TIGD5: variants seen among roughly 807,000 people sequenced by gnomAD.
The protein encoded by TIGD5 is tigger transposable element-derived protein 5.
Under a neutral mutation model 28.8 loss-of-function variants are expected in TIGD5, and 24 were observed. The ratio of observed to expected loss-of-function variants is 0.83; its 90% CI spans 0.60 to 1.17. The LOEUF is 1.17. TIGD5 is among the 50% of genes most tolerant of loss of function. TIGD5 has a pLI of 0.00. For missense variants in TIGD5, 922 were observed against 911.4 expected, an observed-to-expected ratio of 1.01 and a Z score of -0.15; for synonymous variants, 538 against 430.5, an observed-to-expected ratio of 1.25 and a Z score of -3.09.
Position 143,599,618 on chromosome 8 carries a change from A to AGGACGAGGAG in TIGD5, c.1717_1726dup (p.Glu576GlyfsTer68). 1 of 1,523,714 alleles carries AGGACGAGGAG rather than the reference A, an allele frequency of 6.6e-7. No individual in the cohort carries two copies. The highest frequency in any genetic ancestry group is 8.8e-7 in the Non-Finnish European group (1 of 1,138,474). 94.4% of individuals were successfully genotyped at this position (1,523,714 alleles called of 1,614,324 possible). A position where few individuals can be genotyped will look rare whatever the true frequency, so the allele number is the denominator to read the frequency against. The stretch of plus-strand genomic sequence containing the variant: ...CTGCCCTCTGCCATGGGGGGCGGAG[A>AGGACGAGGAG]GGACGAGGAGGAGGCCACCGACTAT... On this transcript the variant is annotated frameshift_variant, in exon 1 of 1. Transcript: ENST00000504548. LOFTEE classifies it high-confidence loss of function.
At position 143,598,710 on chromosome 8, in the gene TIGD5, C is replaced by G. The variant is rs1392272319; in HGVS notation, c.807C>G (p.Arg269=). 1 of 1,507,342 alleles carries G rather than the reference C, an allele frequency of 6.6e-7. No individual in the cohort carries two copies. Among genetic ancestry groups the G allele is most frequent in the Non-Finnish European group, 8.8e-7 (1 of 1,136,266 alleles). 93.4% of individuals were successfully genotyped at this position (1,507,342 alleles called of 1,614,324 possible). A position where few individuals can be genotyped will look rare whatever the true frequency, so the allele number is the denominator to read the frequency against. The change falls in exon 1 of 1, where the codon CGC becomes CGG. Residue 269 remains arginine (R), a synonymous_variant. Transcript: ENST00000504548. This position sits in a 1 kb window ranked among gnomAD's most constrained non-coding sequence, Gnocchi z 6.6. ...GDPGAGGCGR[R]WRGDRVTVLL... is the part of the protein sequence containing the mutation. ...CCGGGGCGGGGGGCTGTGGCCGGCG[C>G]TGGCGGGGCGACCGCGTAACGGTGC...
In TIGD5 at chr8:143,598,687, G is replaced by A. The variant is rs141914327; in HGVS notation, c.784G>A (p.Gly262Arg). The A allele has an allele frequency of 0.08, 119,083 of 1,497,716 alleles. 5,443 individuals are homozygous for A. Among genetic ancestry groups the A allele is most frequent in the Non-Finnish European group, 0.092 (104,782 of 1,134,538 alleles). 92.8% of individuals were successfully genotyped at this position (1,497,716 alleles called of 1,614,324 possible). The change falls in exon 1 of 1, where the codon GGG (glycine) becomes AGG (arginine). Residue 262 changes from glycine (G) to arginine (R), a missense_variant. By Grantham distance (125) the Gly-to-Arg change is moderately radical (BLOSUM62 -2). Transcript: ENST00000504548. This position sits in a 1 kb window ranked among gnomAD's most constrained non-coding sequence, Gnocchi z 6.6. Reference sequence around the variant, plus strand: ...TGCGCCCCCGGGCGCAGGGGACCCCGGGGCGGGGGGCTGTGGCCGGCGCTG... The same window carrying A: ...TGCGCCCCCGGGCGCAGGGGACCCCAGGGCGGGGGGCTGTGGCCGGCGCTG... The part of the protein sequence containing the change: ...QAAPPGAGDP[G>R]AGGCGRRWRG...
rs1386900578 is a variant in TIGD5 at position 143,599,151 on chromosome 8, G to A, written c.1248G>A (p.Pro416=). 2.5e-6 allele frequency: 4 copies of A among 1,603,612 alleles called. No homozygotes were observed. The highest frequency in any genetic ancestry group is 2.2e-5 in the East Asian group (1 of 44,498). ...GCAGCCGGGCACATATCCCCGCACC[G>A]CTGGAGCAGGGCGTGGTGGCCGCCT... ...KGSSRAHIPA[P]LEQGVVAAFK... is the part of the protein sequence containing the mutation. The change falls in exon 1 of 1, where the codon CCG becomes CCA. Residue 416 remains proline (P), a synonymous_variant. Transcript: ENST00000504548.
rs1829142948 is a variant in TIGD5, at chr8:143,598,374, G to T, written c.471G>T (p.Gln157His). The T allele has an allele frequency of 1.9e-6, 3 of 1,575,726 alleles. No individual in the cohort carries two copies. The highest frequency in any genetic ancestry group is 2.6e-6 in the Non-Finnish European group (3 of 1,164,718). The change falls in exon 1 of 1, where the codon CAG becomes CAT. Residue 157 changes from glutamine to histidine, a missense_variant. By Grantham distance (24) the Gln-to-His change is conservative (BLOSUM62 0). This residue lies in a region of TIGD5 where 821 missense variants were observed against 815.2 expected (regional missense o/e 1.01). Coordinates refer to ENST00000504548, the MANE Select transcript of TIGD5 (RefSeq NM_032862.5). This position sits in a 1 kb window ranked among gnomAD's most constrained non-coding sequence, Gnocchi z 6.6. ...CGCAGGCCGAGGCCTTCGCGCGCCA[G>T]ATCTACGGGCCCGAGTGCACCTTCA... ...IQAQAEAFAR[Q>H]IYGPECTFKA...
At position 143,599,088 on chromosome 8, in the gene TIGD5, G is replaced by A. The variant is rs1490745635; in HGVS notation, c.1185G>A (p.Pro395=). ...PLGPPEELQT[P]DGAVRVLFLS... ...GTCCCCCGGAGGAGCTGCAGACACC[G>A]GATGGCGCTGTGCGGGTGCTGTTCC... is the stretch of plus-strand genomic sequence containing the variant. Residue 395 remains proline, a synonymous_variant, in exon 1 of 1, where the codon CCG becomes CCA. Transcript: ENST00000504548. The A allele has an allele frequency of 6.3e-7, 1 of 1,577,820 alleles. No homozygotes were observed. Among genetic ancestry groups the A allele is most frequent in the South Asian group, 1.1e-5 (1 of 87,324 alleles).
In TIGD5 at chr8:143,598,218, G is replaced by T; in HGVS notation, c.315G>T (p.Leu105=). ...EPKLRWFLEQ[L]GGEVGTQRKK... ...AGCTGCGCTGGTTCCTGGAGCAGCT[G>T]GGCGGTGAGGTGGGCACTCAGCGCA... Residue 105 remains leucine, a synonymous_variant, in exon 1 of 1, where the codon CTG becomes CTT. Transcript: ENST00000504548. This position sits in a 1 kb window ranked among gnomAD's most constrained non-coding sequence, Gnocchi z 6.6. The T allele has an allele frequency of 6.2e-7, 1 of 1,607,698 alleles. No homozygotes were observed. The highest frequency in any genetic ancestry group is 8.5e-7 in the Non-Finnish European group (1 of 1,177,842).
rs1159428776 is a variant in TIGD5 at position 143,598,605 on chromosome 8, G to C, written c.702G>C (p.Glu234Asp). Residue 234 changes from glutamate to aspartate, a missense_variant, in exon 1 of 1, where the codon GAG (glutamate) becomes GAC (aspartate). By Grantham distance (45) the Glu-to-Asp change is conservative (BLOSUM62 2). Around this residue, in one of 3 missense-constraint regions of TIGD5, gnomAD observed 821 missense variants for 815.2 expected, o/e 1.01. Transcript: ENST00000504548. The surrounding 1 kb of genome is among the most constrained non-coding windows in gnomAD (Gnocchi z 6.6). ...CGGCCGAGGGCGGCTACGGGGACGA[G>C]CAGATTTACAGCGCCAGCGTCACCG... Reference protein sequence around the residue: ...PPPAEGGYGDEQIYSASVTGL... With the variant: ...PPPAEGGYGDDQIYSASVTGL... The C allele has an allele frequency of 1.5e-5, 22 of 1,424,782 alleles. No individual in the cohort carries two copies. Among genetic ancestry groups the C allele is most frequent in the Non-Finnish European group, 1.7e-5 (19 of 1,099,486 alleles). The allele number at this position is 1,424,782 out of a possible 1,614,324, so 88.3% of individuals were successfully genotyped here. A position where few individuals can be genotyped will look rare whatever the true frequency, so the allele number is the denominator to read the frequency against.
chr8:143,597,866 C>A lies in TIGD5; in HGVS notation c.-38C>A, dbSNP rs1829107370. 1 of 720,454 alleles carries A rather than the reference C, an allele frequency of 1.4e-6. No individual in the cohort carries two copies. The highest frequency in any genetic ancestry group is 1.7e-6 in the Non-Finnish European group (1 of 590,418). 44.6% of individuals were successfully genotyped at this position (720,454 alleles called of 1,614,324 possible). ...CCCCGAGCGGCTGGGCGTGTGGCTCCCGCGACCCGCGCGGCCCGGGTCCCC... is the reference window on the plus strand; with the variant it reads ...CCCCGAGCGGCTGGGCGTGTGGCTCACGCGACCCGCGCGGCCCGGGTCCCC... On this transcript the variant is annotated 5_prime_UTR_variant, in exon 1 of 1. Transcript: ENST00000504548.
In TIGD5 at chr8:143,598,541, C is replaced by T; in HGVS notation, c.638C>T (p.Ala213Val). 2 of 1,307,346 alleles carry T rather than the reference C, an allele frequency of 1.5e-6. No homozygotes were observed. Among genetic ancestry groups the T allele is most frequent in the South Asian group, 2.2e-5 (1 of 45,946 alleles). The allele number at this position is 1,307,346 out of a possible 1,614,324, so 81.0% of individuals were successfully genotyped here. A position where few individuals can be genotyped will look rare whatever the true frequency, so the allele number is the denominator to read the frequency against. ...GAGGAGCCCGCGCTGCCCTCCGGCG[C>T]CGGCCCCCTGCCCGACCGCGCCCCG... ...VKEEPALPSG[A>V]GPLPDRAPAP... The change falls in exon 1 of 1, where the codon GCC becomes GTC. Residue 213 changes from alanine to valine, a missense_variant. Around this residue, in one of 3 missense-constraint regions of TIGD5, gnomAD observed 821 missense variants for 815.2 expected, o/e 1.01. Transcript: ENST00000504548. The surrounding 1 kb of genome is among the most constrained non-coding windows in gnomAD (Gnocchi z 6.6).
chr8:143,597,839 C>A lies in TIGD5; in HGVS notation c.-65C>A. On this transcript the variant is annotated 5_prime_UTR_variant, in exon 1 of 1. Transcript: ENST00000504548. ...CGTGCGGCCCCGCCCCCGAGTGCCC[C>A]GCCCCGAGCGGCTGGGCGTGTGGCT... The A allele has an allele frequency of 2.8e-6, 1 of 359,162 alleles. No individual in the cohort carries two copies. Among genetic ancestry groups the A allele is most frequent in the Non-Finnish European group, 3.9e-6 (1 of 259,730 alleles). The allele number at this position is 359,162 out of a possible 1,614,324, so 22.2% of individuals were successfully genotyped here.
Position 143,598,837 on chromosome 8 carries a change from C to T in TIGD5, c.934C>T (p.Pro312Ser). Residue 312 changes from proline (P) to serine (S), a missense_variant, in exon 1 of 1, where the codon CCG becomes TCG. By Grantham distance (74) the Pro-to-Ser change is moderately conservative. This residue lies in a region of TIGD5 where 821 missense variants were observed against 815.2 expected (regional missense o/e 1.01). Coordinates refer to ENST00000504548, the MANE Select transcript of TIGD5 (RefSeq NM_032862.5). This position sits in a 1 kb window ranked among gnomAD's most constrained non-coding sequence, Gnocchi z 6.6. ...GCGCCACCACAACCAGGACAAGTTC[C>T]CGGCCTCCTACCGCTACAGCCCCGA... is the stretch of plus-strand genomic sequence containing the variant. ...SLRHHNQDKFPASYRYSPDAW... is the reference protein window; with the variant it reads ...SLRHHNQDKFSASYRYSPDAW... 1 of 1,601,142 alleles carries T rather than the reference C, an allele frequency of 6.2e-7. No homozygotes were observed. The highest frequency in any genetic ancestry group is 8.5e-7 in the Non-Finnish European group (1 of 1,179,602).
chr8:143,602,633 T>C lies in TIGD5; in HGVS notation c.*2801T>C, dbSNP rs1829285568. The C allele has an allele frequency of 6.6e-6, 1 of 152,316 alleles. No homozygotes were observed. The highest frequency in any genetic ancestry group is 1.5e-5 in the Non-Finnish European group (1 of 68,088). The allele number at this position is 152,316 out of a possible 1,614,324, so 9.4% of individuals were successfully genotyped here. On this transcript the variant is annotated 3_prime_UTR_variant, in exon 1 of 1. Transcript: ENST00000504548. Reference sequence around the variant, plus strand: ...TGCCTGCGGGCTCTGGCCTCCGCTCTGGCAGATTCTGCACATTCCCTGCAG... The same window carrying C: ...TGCCTGCGGGCTCTGGCCTCCGCTCCGGCAGATTCTGCACATTCCCTGCAG...
Position 143,598,735 on chromosome 8 carries a change from C to T in TIGD5, c.832C>T (p.Leu278=). The change falls in exon 1 of 1, where the codon CTG becomes TTG. Residue 278 remains leucine (L), a synonymous_variant. Transcript: ENST00000504548. The surrounding 1 kb of genome is among the most constrained non-coding windows in gnomAD (Gnocchi z 6.6). The part of the protein sequence containing the change: ...RRWRGDRVTV[L]LAANLTGSHK... Reference sequence around the variant, plus strand: ...CTGGCGGGGCGACCGCGTAACGGTGCTGCTGGCCGCAAACCTGACCGGCAG... The same window carrying T: ...CTGGCGGGGCGACCGCGTAACGGTGTTGCTGGCCGCAAACCTGACCGGCAG... 6.5e-7 allele frequency: 1 copy of T among 1,549,628 alleles called. No individual in the cohort carries two copies. Among genetic ancestry groups the T allele is most frequent in the Non-Finnish European group, 8.7e-7 (1 of 1,153,936 alleles).
At position 143,598,864 on chromosome 8, in the gene TIGD5, G is replaced by T; in HGVS notation, c.961G>T (p.Ala321Ser). ...GGCCTCCTACCGCTACAGCCCCGAC[G>T]CCTGGCTCAGCCGCCCGCTGCTGCG... ...FPASYRYSPD[A>S]WLSRPLLRGW... The change falls in exon 1 of 1, where the codon GCC (alanine) becomes TCC (serine). Residue 321 changes from alanine (A) to serine (S), a missense_variant. Physicochemically the swap from Ala to Ser is moderately conservative, Grantham distance 99. This residue lies in a region of TIGD5 where 821 missense variants were observed against 815.2 expected (regional missense o/e 1.01). Coordinates refer to ENST00000504548, the MANE Select transcript of TIGD5 (RefSeq NM_032862.5). This position sits in a 1 kb window ranked among gnomAD's most constrained non-coding sequence, Gnocchi z 6.6. 3 of 1,600,078 alleles carry T rather than the reference G, an allele frequency of 1.9e-6. No homozygotes were observed. Among genetic ancestry groups the T allele is most frequent in the Non-Finnish European group, 1.7e-6 (2 of 1,179,608 alleles).
chr8:143,599,155 G>A lies in TIGD5; in HGVS notation c.1252G>A (p.Glu418Lys). Residue 418 changes from glutamate (E) to lysine (K), a missense_variant, in exon 1 of 1, where the codon GAG becomes AAG. Coordinates refer to ENST00000504548, the MANE Select transcript of TIGD5 (RefSeq NM_032862.5). ...CCGGGCACATATCCCCGCACCGCTG[G>A]AGCAGGGCGTGGTGGCCGCCTTCAA... ...SSRAHIPAPL[E>K]QGVVAAFKQL... 1.2e-6 allele frequency: 2 copies of A among 1,605,732 alleles called. No individual in the cohort carries two copies. Among genetic ancestry groups the A allele is most frequent in the Non-Finnish European group, 1.7e-6 (2 of 1,177,156 alleles).
In TIGD5 at chr8:143,599,606, TG is replaced by T; in HGVS notation, c.1709del (p.Gly570AlafsTer26). On this transcript the variant is annotated frameshift_variant, in exon 1 of 1. Transcript: ENST00000504548. LOFTEE classifies it high-confidence loss of function. ...PPAPASLPSA[M>X]GGGEDEEEAT... The stretch of plus-strand genomic sequence containing the variant: ...GCCCCAGCCAGTCTGCCCTCTGCCA[TG>T]GGGGGCGGAGAGGACGAGGAGGAGG... 2 of 1,532,754 alleles carry T rather than the reference TG, an allele frequency of 1.3e-6. No individual in the cohort carries two copies. The highest frequency in any genetic ancestry group is 2.2e-5 in the Admixed American group (1 of 46,322). 94.9% of individuals were successfully genotyped at this position (1,532,754 alleles called of 1,614,324 possible).
rs748991163 is a variant in TIGD5, at chr8:143,598,768, C to G, written c.865C>G (p.Leu289Val). Residue 289 changes from leucine to valine, a missense_variant, in exon 1 of 1, where the codon CTG becomes GTG. This residue lies in a region of TIGD5 where 821 missense variants were observed against 815.2 expected (regional missense o/e 1.01). Transcript: ENST00000504548. The surrounding 1 kb of genome is among the most constrained non-coding windows in gnomAD (Gnocchi z 6.6). ...LAANLTGSHK[L>V]KPLVIGRLPD... Reference sequence around the variant, plus strand: ...CGCAAACCTGACCGGCAGCCACAAGCTGAAGCCGCTGGTCATCGGGCGGCT... The same window carrying G: ...CGCAAACCTGACCGGCAGCCACAAGGTGAAGCCGCTGGTCATCGGGCGGCT... The G allele has an allele frequency of 6.3e-7, 1 of 1,592,884 alleles. No homozygotes were observed. Among genetic ancestry groups the G allele is most frequent in the African/African-American group, 1.3e-5 (1 of 74,904 alleles).
At position 143,598,919 on chromosome 8, in the gene TIGD5, G is replaced by A; in HGVS notation, c.1016G>A (p.Gly339Asp). ...TGGTTCTTTGAGGAATTTGTCCCAG[G>A]CGTCAAACGCTACCTGCGCCGAAGC... ...RGWFFEEFVP[G>D]VKRYLRRSCL... Residue 339 changes from glycine to aspartate, a missense_variant, in exon 1 of 1, where the codon GGC becomes GAC. Gly to Asp is a moderately conservative substitution (Grantham distance 94, BLOSUM62 -1). Around this residue, in one of 3 missense-constraint regions of TIGD5, gnomAD observed 821 missense variants for 815.2 expected, o/e 1.01. Transcript: ENST00000504548. This position sits in a 1 kb window ranked among gnomAD's most constrained non-coding sequence, Gnocchi z 6.6. The A allele has an allele frequency of 6.3e-7, 1 of 1,595,278 alleles. No homozygotes were observed. The highest frequency in any genetic ancestry group is 1.1e-5 in the South Asian group (1 of 90,224).
Position 143,598,581 on chromosome 8 carries a change from G to T in TIGD5, c.678G>T (p.Pro226=), listed in dbSNP as rs925500493. 2 of 1,176,346 alleles carry T rather than the reference G, an allele frequency of 1.7e-6. No individual in the cohort carries two copies. The highest frequency in any genetic ancestry group is 2.1e-6 in the Non-Finnish European group (2 of 945,876). The allele number at this position is 1,176,346 out of a possible 1,614,324, so 72.9% of individuals were successfully genotyped here. Residue 226 remains proline, a synonymous_variant, in exon 1 of 1, where the codon CCG becomes CCT. Transcript: ENST00000504548. The surrounding 1 kb of genome is among the most constrained non-coding windows in gnomAD (Gnocchi z 6.6). ...ACCGCGCCCCGGCCCCGCCGCCCCC[G>T]GCCGAGGGCGGCTACGGGGACGAGC... The part of the protein sequence containing the change: ...LPDRAPAPPP[P]AEGGYGDEQI...
Sources: gnomAD v4.1 joint callset for allele counts on GRCh38, gnomAD v4.1.1 for gene constraint, gnomAD v4.1.1 regional missense constraint, Gnocchi (gnomAD v3.1) non-coding constraint, MANE v1.5 for transcripts, NCBI Gene and HGNC (gene_info 2026-07-23, HGNC 2026-07-21) for gene names.